Variants in CFAP74 observed in about 807,000 individuals in gnomAD.
The protein encoded by CFAP74 is cilia- and flagella-associated protein 74.
A neutral mutation model predicts 188.9 loss-of-function variants in CFAP74; 124 were observed. The observed-to-expected ratio is 0.66, with a 90% confidence interval of 0.57 to 0.76. The LOEUF is 0.76. CFAP74 is among the 30% of genes least tolerant of loss of function. The probability of loss-of-function intolerance (pLI) is 0.00; values close to 1 mark genes in which losing one functional copy is unlikely to be tolerated. For missense variants in CFAP74, 2,198 were observed against 2,165.2 expected (o/e 1.02, Z -0.30); for synonymous variants, 956 against 916.7 (o/e 1.04, Z -0.77).
Position 1,939,608 on chromosome 1 carries a change from C to T in CFAP74, c.2863G>A (p.Val955Ile), listed in dbSNP as rs778396545. The change falls in exon 24 of 39, where the codon GTC (valine) becomes ATC (isoleucine). Residue 955 changes from valine to isoleucine, a missense_variant. Val to Ile is a conservative substitution (Grantham distance 29). Transcript: ENST00000682832. ...HSLLPQEFGF[V>I]RLPKFVDVQP... The stretch of plus-strand genomic sequence containing the variant: ...GCAGGAGGTACCTTGGGAAGCCTGA[C>T]GAACCCGAACTCCTGGGGCAGGAGC... The T allele has an allele frequency of 3.6e-5, 56 of 1,535,628 alleles. No homozygotes were observed. In the Middle Eastern group the frequency reaches 5.0e-4, roughly 14 times the overall value.
intron 14 of CFAP74, among the ~76,000 whole-genome samples, chr1:1,962,246 G>A (rs2102067855): frequency 6.6e-6 from 1 of 152,244 alleles, no homozygotes; most frequent in East Asian, 1.9e-4. Flanking sequence ...GCCGAGGTGG[G>A]CCTCGGATCA....
At chr1:1,976,097 G>A (rs1054799623) in intron 6 of CFAP74, among the ~76,000 whole-genome samples, 1 of 152,204 alleles carries the variant, frequency 6.6e-6, no homozygotes, top group Admixed American at 6.5e-5. Context: ...GGACAGAAAG[G>A]CTCCCTCAAG....
At chr1:1,955,283 G>C in intron 18 of CFAP74, 1 of 1,295,206 alleles carries the variant, frequency 7.7e-7, no homozygotes, top group Non-Finnish European at 1.0e-6. Context: ...GCATGGGGAG[G>C]GCAGGGCCCG....
chr1:1,973,156 G>A lies in CFAP74; in HGVS notation c.675-109C>T, dbSNP rs372162259. The A allele has an allele frequency of 1.9e-5, 14 of 748,608 alleles. No individual in the cohort carries two copies. The highest frequency in any genetic ancestry group is 5.0e-5 in the South Asian group (3 of 60,280). 46.4% of individuals were successfully genotyped at this position (748,608 alleles called of 1,614,324 possible). ...TCCCAGAGACGCCGTGGGCCCTTTCGCTCAGCTCTGTCCCGCACAGCCTCC... is the reference window on the plus strand; with the variant it reads ...TCCCAGAGACGCCGTGGGCCCTTTCACTCAGCTCTGTCCCGCACAGCCTCC... On this transcript the variant is annotated intron_variant, in intron 7 of 38. Transcript: ENST00000682832. The surrounding 1 kb of genome is among the most constrained non-coding windows in gnomAD (Gnocchi z 6.2).
intron 25 of CFAP74, among the ~76,000 whole-genome samples, chr1:1,938,333 C>CTG (rs35205487): frequency 3.1e-5 from 1 of 31,780 alleles, no homozygotes; most frequent in Non-Finnish European, 7.0e-5. Flanking sequence ...ACACAAGGCA[C>CTG]TCACACACAC....
In CFAP74 at chr1:1,927,041, CAG is replaced by C. The variant is rs954242400; in HGVS notation, c.3528-15_3528-14del. 3 of 1,549,966 alleles carry C rather than the reference CAG, an allele frequency of 1.9e-6. No homozygotes were observed. The African/African-American group carries it at 4.1e-5, about 21-fold the overall frequency. On this transcript the variant is annotated splice_polypyrimidine_tract_variant and intron_variant, in intron 28 of 38. Coordinates refer to ENST00000682832, the MANE Select transcript of CFAP74 (RefSeq NM_001304360.2). ...GTACTCGTCGGAACTAGAAGGAAGT[CAG>C]AGGCTTGCGCTCCCGCCTTGCCCCC...
chr1:1,955,260 T>C (rs1654508862), intron 18 of CFAP74: 1 of 1,292,978 alleles, frequency 7.7e-7, no homozygotes, highest in South Asian at 1.2e-5. Flanking sequence ...GGCGGCGGGC[T>C]GCAGGGCAGG....
intron 8 of CFAP74, 145 bp from the exon 9 acceptor site, chr1:1,972,227 T>C (rs1046452538): frequency 4.5e-6 from 3 of 660,472 alleles, no homozygotes; most frequent in Non-Finnish European, 8.2e-6. Context: ...ATCACAGGCA[T>C]GCACCACCAC....
intron 6 of CFAP74, 64 bp from the exon 7 acceptor site, chr1:1,974,262 G>C: frequency 6.7e-7 from 1 of 1,486,576 alleles, no homozygotes; most frequent in South Asian, 1.3e-5. Flanking sequence ...GGGGGTTTCG[G>C]CATTGAGTTC....
At chr1:1,999,307 G>A (rs142347844) in intron 1 of CFAP74, among the ~76,000 whole-genome samples, 141 of 152,234 alleles carry the variant, frequency 9.3e-4, no homozygotes, top group Middle Eastern at 3.4e-3. Flanking sequence ...CAGCAGCCAC[G>A]GAATGGACAT....
chr1:1,974,911 G>A (rs770196759), intron 6 of CFAP74, among the ~76,000 whole-genome samples: 3 of 152,340 alleles, frequency 2.0e-5, no homozygotes, highest in East Asian at 1.9e-4. Flanking sequence ...GGTGAGAGCC[G>A]CTGGAGAGGC....
chr1:1,969,177 C>T (rs1299649540), intron 10 of CFAP74, among the ~76,000 whole-genome samples: 1 of 147,576 alleles, frequency 6.8e-6, no homozygotes, highest in Non-Finnish European at 1.5e-5. Flanking sequence ...TCAGTCCTGC[C>T]CAGCCCTGCC....
intron 1 of CFAP74, among the ~76,000 whole-genome samples, chr1:1,994,118 T>C (rs999634515): frequency 6.6e-6 from 1 of 151,284 alleles, no homozygotes; most frequent in Non-Finnish European, 1.5e-5. Flanking sequence ...TGAGCTGTGA[T>C]TGTGCCACTG....
chr1:1,937,231 C>T (rs1322907299), intron 25 of CFAP74, among the ~76,000 whole-genome samples: 1 of 152,198 alleles, frequency 6.6e-6, no homozygotes, highest in Non-Finnish European at 1.5e-5. Context: ...GCGTTAGCGC[C>T]CTGGGGAAGG....
intron 25 of CFAP74, among the ~76,000 whole-genome samples, chr1:1,934,417 CAT>C (rs1430518415): frequency 9.9e-6 from 1 of 101,436 alleles, no homozygotes; most frequent in East Asian, 3.0e-4. Flanking sequence ...CACGTGTGTA[CAT>C]GTGTGTTGTA....
chr1:1,936,263 C>T (rs569917036), intron 25 of CFAP74, among the ~76,000 whole-genome samples: 27 of 145,432 alleles, frequency 1.9e-4, no homozygotes, highest in African/African-American at 5.9e-4. Flanking sequence ...CTCTGATCTG[C>T]GGCCGGGTGC....
At chr1:1,983,000 A>G (rs1369845174) in intron 6 of CFAP74, among the ~76,000 whole-genome samples, 1 of 152,230 alleles carries the variant, frequency 6.6e-6, no homozygotes, top group Non-Finnish European at 1.5e-5. Flanking sequence ...ACGCCCACAG[A>G]GCGGCAGACA....
At chr1:1,982,394 G>A (rs1297010205) in intron 6 of CFAP74, among the ~76,000 whole-genome samples, 5 of 149,378 alleles carry the variant, frequency 3.3e-5, no homozygotes, top group African/African-American at 7.4e-5. Flanking sequence ...GTGGTCACAC[G>A]CAGGGACATG....
In CFAP74 at chr1:1,988,447, G is replaced by C. The variant is rs575537636; in HGVS notation, c.296+65C>G. 2.2e-5 allele frequency: 35 copies of C among 1,588,574 alleles called. No homozygotes were observed. The East Asian group carries it at 7.2e-4, about 32-fold the overall frequency. On this transcript the variant is annotated intron_variant, in intron 4 of 38. Transcript: ENST00000682832. ...CGACAGGTACAGGACCACCCCTGCTGCACCCATGTCACGGCCTGGGGGGCA... is the reference window on the plus strand; with the variant it reads ...CGACAGGTACAGGACCACCCCTGCTCCACCCATGTCACGGCCTGGGGGGCA...
Sources: allele counts gnomAD v4.1 joint callset (sites outside exome capture counted in the v4.1 genomes callset), GRCh38; gene constraint gnomAD v4.1.1; non-coding constraint Gnocchi (gnomAD v3.1); transcripts MANE v1.5; gene names NCBI Gene and HGNC (gene_info 2026-07-23, HGNC 2026-07-21).